SMOC1: variants seen among roughly 807,000 people sequenced by gnomAD.
The protein encoded by SMOC1 is SPARC-related modular calcium-binding protein 1.
Under a neutral mutation model 56.3 loss-of-function variants are expected in SMOC1, and 22 were observed. The ratio of observed to expected loss-of-function variants is 0.39; its 90% CI spans 0.28 to 0.56. SMOC1 has a LOEUF of 0.56. Among genes scored for constraint, SMOC1 ranks in the 20% least tolerant of loss-of-function variants. The probability of loss-of-function intolerance (pLI) is 0.61; values close to 1 mark genes in which losing one functional copy is unlikely to be tolerated. For missense variants in SMOC1, 509 were observed against 565.4 expected (o/e 0.90, Z 1.01); for synonymous variants, 193 against 215.0 (o/e 0.90, Z 0.89).
chr14:69,884,476 T>C (rs1279706668), intron 1 of SMOC1, among the ~76,000 whole-genome samples: 1 of 152,190 alleles, frequency 6.6e-6, no homozygotes, highest in African/African-American at 2.4e-5. Context: ...ATTTGTCTAT[T>C]TTTGCTTTTG....
At chr14:69,920,409 ATAT>A (rs1356738915) in intron 1 of SMOC1, among the ~76,000 whole-genome samples, 2 of 150,422 alleles carry the variant, frequency 1.3e-5, no homozygotes, top group African/African-American at 2.4e-5. Flanking sequence ...GACAGCCCTC[ATAT>A]TATTATTAAG....
intron 3 of SMOC1, among the ~76,000 whole-genome samples, chr14:69,963,534 C>T (rs979110872): frequency 2.6e-5 from 4 of 152,118 alleles, no homozygotes; most frequent in Admixed American, 6.5e-5. Flanking sequence ...TACTGCCTGT[C>T]GGAGTAGAGC....
chr14:69,970,765 C>T (rs1028668015), intron 3 of SMOC1, among the ~76,000 whole-genome samples: 5 of 152,220 alleles, frequency 3.3e-5, no homozygotes, highest in East Asian at 1.9e-4. Flanking sequence ...CTCTGCTCAT[C>T]GGTTGCTCAC....
intron 1 of SMOC1, among the ~76,000 whole-genome samples, chr14:69,898,255 G>A (rs143461105): frequency 6.6e-6 from 1 of 151,804 alleles, no homozygotes; most frequent in African/African-American, 2.4e-5. Context: ...ATATGACTAG[G>A]GTTTTTGTTT....
intron 7 of SMOC1, among the ~76,000 whole-genome samples, chr14:70,009,542 T>C (rs1885260719): frequency 6.6e-6 from 1 of 152,224 alleles, no homozygotes. Flanking sequence ...TTAAGAAGGG[T>C]ATTTTTGTAA....
At chr14:69,926,292 A>G (rs1232689463) in intron 1 of SMOC1, among the ~76,000 whole-genome samples, 2 of 152,220 alleles carry the variant, frequency 1.3e-5, no homozygotes, top group African/African-American at 4.8e-5. Context: ...AGAAGGCTCA[A>G]TACCAGGGCC....
intron 1 of SMOC1, chr14:69,885,867 C>T: frequency 6.2e-7 from 1 of 1,601,224 alleles, no homozygotes; most frequent in Non-Finnish European, 8.5e-7. Flanking sequence ...AGCTGAGTAG[C>T]TGTTTGGCGG....
intron 3 of SMOC1, among the ~76,000 whole-genome samples, chr14:69,969,522 C>G (rs1290967139): frequency 6.6e-6 from 1 of 152,046 alleles, no homozygotes; most frequent in East Asian, 1.9e-4. Flanking sequence ...AAGAACTCAC[C>G]CGCTGTCGTG....
At position 70,023,317 on chromosome 14, in the gene SMOC1, C is replaced by T. The variant is rs11846426; in HGVS notation, c.1161C>T (p.Phe387=). The part of the protein sequence containing the change: ...NDINKREMKP[F]KRYVKKKAKP... Reference sequence around the variant, plus strand: ...TTAACAAGCGGGAGATGAAGCCCTTCAAGCGCTACGTGAAGAAGAAAGCCA... The same window carrying T: ...TTAACAAGCGGGAGATGAAGCCCTTTAAGCGCTACGTGAAGAAGAAAGCCA... The change falls in exon 11 of 12, where the codon TTC becomes TTT. Residue 387 remains phenylalanine (F), a synonymous_variant. Transcript: ENST00000361956. The T allele has an allele frequency of 1.2e-3, 2,002 of 1,614,182 alleles. 25 individuals carry two copies. In the African/African-American group the frequency reaches 0.024, roughly 19 times the overall value.
chr14:69,902,064 C>A (rs549641722), intron 1 of SMOC1, among the ~76,000 whole-genome samples: 2 of 152,312 alleles, frequency 1.3e-5, no homozygotes, highest in Admixed American at 1.3e-4. Flanking sequence ...GTATGCCCTC[C>A]TCTGGTTTAG....
chr14:69,965,404 T>TAATAATAATAATAATAA (rs761154559), intron 3 of SMOC1, among the ~76,000 whole-genome samples: 1 of 149,400 alleles, frequency 6.7e-6, no homozygotes, highest in Non-Finnish European at 1.5e-5. Context: ...ATAATAATAA[T>TAATAATAATAATAATAA]AAAAAGATGA....
At position 69,879,729 on chromosome 14, in the gene SMOC1, G is replaced by A. The variant is rs748732235; in HGVS notation, c.51G>A (p.Val17=). The part of the protein sequence containing the change: ...ARLLTPHLLL[V]LVQLSPARGH... ...TGCTCACGCCCCACTTGCTGCTGGT[G>A]TTGGTGCAGCTGTCCCCTGCTCGCG... The change falls in exon 1 of 12, where the codon GTG becomes GTA. Residue 17 remains valine, a synonymous_variant. Transcript: ENST00000361956. 1.3e-5 allele frequency: 20 copies of A among 1,591,676 alleles called. No individual in the cohort carries two copies. The highest frequency in any genetic ancestry group is 1.4e-5 in the Non-Finnish European group (17 of 1,176,218).
rs989740018 is a variant in SMOC1, at chr14:69,972,384, C to T, written c.379-3331C>T. Among the ~76,000 whole-genome samples, 7 of 152,312 alleles carry T rather than the reference C, an allele frequency of 4.6e-5. No homozygotes were observed. The East Asian group carries it at 9.7e-4, about 21-fold the overall frequency. On this transcript the variant is annotated intron_variant, in intron 3 of 11. Coordinates refer to ENST00000361956, the MANE Select transcript of SMOC1 (RefSeq NM_001034852.3). ...CAGCTCCTGGATCTGAGACCTTGCT[C>T]GGGTCTTCTGTGCCACCCTTTGCCC...
At chr14:70,016,586 G>T (rs1206138152) in intron 10 of SMOC1, among the ~76,000 whole-genome samples, 1 of 152,172 alleles carries the variant, frequency 6.6e-6, no homozygotes, top group Admixed American at 6.5e-5. Context: ...AGGGTTTAAG[G>T]CTGTTCCAGA....
intron 1 of SMOC1, among the ~76,000 whole-genome samples, chr14:69,947,087 G>GCCTTCCTTCTTT (rs1882810644): frequency 7.0e-6 from 1 of 143,360 alleles, no homozygotes; most frequent in African/African-American, 2.6e-5. Context: ...TCTCAGGCCG[G>GCCTTCCTTCTTT]CCTTCCTTCC....
At chr14:69,956,575 C>T (rs541352207) in intron 3 of SMOC1, among the ~76,000 whole-genome samples, 5 of 151,622 alleles carry the variant, frequency 3.3e-5, no homozygotes, top group African/African-American at 1.2e-4. Context: ...AATTATTACA[C>T]AGTAACCCTC....
At chr14:69,996,530 C>A (rs17107578) in intron 7 of SMOC1, among the ~76,000 whole-genome samples, 22,152 of 152,190 alleles carry the variant, frequency 0.15, 1,748 homozygotes, top group Non-Finnish European at 0.16. Flanking sequence ...TTTGCTTCCG[C>A]TGAAGTTCTT....
At chr14:69,908,994 C>T (rs1884484718) in intron 1 of SMOC1, among the ~76,000 whole-genome samples, 1 of 152,110 alleles carries the variant, frequency 6.6e-6, no homozygotes, top group Non-Finnish European at 1.5e-5. Flanking sequence ...ACTTTATACT[C>T]ACCTCTTCTA....
At chr14:70,000,200 C>T (rs948987325) in intron 7 of SMOC1, among the ~76,000 whole-genome samples, 1 of 152,196 alleles carries the variant, frequency 6.6e-6, no homozygotes, top group African/African-American at 2.4e-5. Context: ...CTCACACAGG[C>T]AACACTCATG....
Sources: gnomAD v4.1 joint callset for allele counts (sites outside exome capture counted in the v4.1 genomes callset) on GRCh38, gnomAD v4.1.1 for gene constraint, MANE v1.5 for transcripts, NCBI Gene and HGNC (gene_info 2026-07-23, HGNC 2026-07-21) for gene names.